NUDT19: variants seen among roughly 807,000 people sequenced by gnomAD.
NUDT19 encodes nudix hydrolase 19, also known as acyl-coenzyme A diphosphatase NUDT19.
In NUDT19, 31 loss-of-function variants were observed where a neutral mutation model predicts 22.2. The observed-to-expected ratio is 1.40, with a 90% CI of 1.05 to 1.89. The LOEUF (loss-of-function observed/expected upper bound fraction) is 1.89, where lower values mean the gene tolerates loss of function less well. NUDT19 is among the 40% of genes most tolerant of loss of function. The pLI, the probability that NUDT19 is intolerant of heterozygous loss-of-function variation, is 0.00. For missense variants in NUDT19, 752 were observed against 514.2 expected, an observed-to-expected ratio of 1.46 and a Z score of -4.47; for synonymous variants, 325 against 230.8, an observed-to-expected ratio of 1.41 and a Z score of -3.70.
intron 1 of NUDT19, among the ~76,000 whole-genome samples, chr19:32,693,594 G>A (rs1025495633): frequency 6.6e-6 from 1 of 152,182 alleles, no homozygotes; most frequent in East Asian, 1.9e-4. Context: ...CTGCTGATTG[G>A]TCCATTTTGC....
intron 1 of NUDT19, among the ~76,000 whole-genome samples, chr19:32,698,142 T>A (rs1968287340): frequency 6.6e-6 from 1 of 152,186 alleles, no homozygotes; most frequent in Non-Finnish European, 1.5e-5. Context: ...TCTCCTTCAA[T>A]GAAAAGAAAA....
At chr19:32,706,254 C>T (rs1968385807) in intron 1 of NUDT19, among the ~76,000 whole-genome samples, 1 of 152,122 alleles carries the variant, frequency 6.6e-6, no homozygotes, top group East Asian at 1.9e-4. Flanking sequence ...CAGCTTTATC[C>T]CTGGTTTCTC....
chr19:32,695,103 A>T (rs2145356183), intron 1 of NUDT19, among the ~76,000 whole-genome samples: 1 of 152,304 alleles, frequency 6.6e-6, no homozygotes, highest in Non-Finnish European at 1.5e-5. Context: ...GCCCTTGTTT[A>T]CACTGACAAC....
intron 1 of NUDT19, among the ~76,000 whole-genome samples, chr19:32,703,921 C>A (rs1373922792): frequency 6.6e-6 from 1 of 152,020 alleles, no homozygotes; most frequent in African/African-American, 2.4e-5. Context: ...GCTGGGCCTC[C>A]CAAAGTGCTG....
intron 1 of NUDT19, among the ~76,000 whole-genome samples, chr19:32,703,426 A>G (rs982820392): frequency 6.6e-6 from 1 of 150,460 alleles, no homozygotes; most frequent in African/African-American, 2.4e-5. Flanking sequence ...TCAGCTCACC[A>G]CAGCCTCTGC....
Position 32,692,357 on chromosome 19 carries a change from T to C in NUDT19, c.397T>C (p.Phe133Leu), listed in dbSNP as rs546154641. 6 of 1,590,284 alleles carry C rather than the reference T, an allele frequency of 3.8e-6. No homozygotes were observed. Among genetic ancestry groups the C allele is most frequent in the African/African-American group, 2.7e-5 (2 of 73,428 alleles). The part of the protein sequence containing the change: ...AFRICAVREA[F>L]EEAGVLLLRP... The stretch of plus-strand genomic sequence containing the variant: ...CCGCATCTGCGCCGTGCGGGAGGCC[T>C]TTGAGGAGGCGGGCGTGCTGCTGCT... The change falls in exon 1 of 3, where the codon TTT (phenylalanine) becomes CTT (leucine). Residue 133 changes from phenylalanine to leucine, a missense_variant. Coordinates refer to ENST00000397061, the MANE Select transcript of NUDT19 (RefSeq NM_001105570.2).
At chr19:32,706,640 G>T (rs1044210196) in intron 1 of NUDT19, among the ~76,000 whole-genome samples, 1 of 152,106 alleles carries the variant, frequency 6.6e-6, no homozygotes, top group Admixed American at 6.5e-5. Context: ...CAGAGATCAC[G>T]CCATTGCACT....
chr19:32,700,541 C>G (rs146322577), intron 1 of NUDT19, among the ~76,000 whole-genome samples: 1 of 152,170 alleles, frequency 6.6e-6, no homozygotes, highest in African/African-American at 2.4e-5. Context: ...AAGTGATTCT[C>G]GTCTCAGCTT....
rs1318567902 is a variant in NUDT19 at position 32,691,997 on chromosome 19, C to T, written c.37C>T (p.Arg13Trp). 2 of 1,235,836 alleles carry T rather than the reference C, an allele frequency of 1.6e-6. No homozygotes were observed. The highest frequency in any genetic ancestry group is 1.0e-6 in the Non-Finnish European group (1 of 992,098). The allele number at this position is 1,235,836 out of a possible 1,614,324, so 76.6% of individuals were successfully genotyped here. ...SSLRPGPSRW[R>W]RAASIVLAAG... ...CCTGCGGCCGGGCCCCAGCCGCTGGCGGCGGGCGGCCAGCATCGTCCTGGC... is the reference window on the plus strand; with the variant it reads ...CCTGCGGCCGGGCCCCAGCCGCTGGTGGCGGGCGGCCAGCATCGTCCTGGC... The change falls in exon 1 of 3, where the codon CGG becomes TGG. Residue 13 changes from arginine (R) to tryptophan (W), a missense_variant. Physicochemically the swap from Arg to Trp is moderately radical, Grantham distance 101. Transcript: ENST00000397061.
chr19:32,692,163 A>G lies in NUDT19; in HGVS notation c.203A>G (p.Asp68Gly). The G allele has an allele frequency of 1.3e-6, 2 of 1,527,354 alleles. No homozygotes were observed. The highest frequency in any genetic ancestry group is 1.7e-6 in the Non-Finnish European group (2 of 1,146,902). 94.6% of individuals were successfully genotyped at this position (1,527,354 alleles called of 1,614,324 possible). A position where few individuals can be genotyped will look rare whatever the true frequency, so the allele number is the denominator to read the frequency against. Reference protein sequence around the residue: ...GAHVFSGGVLDAADRSADWLG... With the variant: ...GAHVFSGGVLGAADRSADWLG... ...CACGTCTTCTCCGGCGGAGTGCTGG[A>G]TGCGGCCGACCGCTCGGCGGACTGG... The change falls in exon 1 of 3, where the codon GAT becomes GGT. Residue 68 changes from aspartate to glycine, a missense_variant. Physicochemically the swap from Asp to Gly is moderately conservative, Grantham distance 94. Transcript: ENST00000397061.
chr19:32,707,652 G>A (rs1968400322), intron 1 of NUDT19, among the ~76,000 whole-genome samples: 1 of 152,072 alleles, frequency 6.6e-6, no homozygotes, highest in Non-Finnish European at 1.5e-5. Flanking sequence ...AGACCAGCCT[G>A]GCCAAGATGG....
intron 1 of NUDT19, among the ~76,000 whole-genome samples, chr19:32,700,388 C>G (rs1001733207): frequency 6.6e-6 from 1 of 152,084 alleles, no homozygotes; most frequent in Non-Finnish European, 1.5e-5. Context: ...GTTTACAAAC[C>G]TTGAGCTAGA....
Position 32,695,106 on chromosome 19 carries a change from C to T in NUDT19, c.714+2432C>T, listed in dbSNP as rs566894387. On this transcript the variant is annotated intron_variant, in intron 1 of 2. Transcript: ENST00000397061. The stretch of plus-strand genomic sequence containing the variant: ...CTTTTGGGCTATGCCCTTGTTTACA[C>T]TGACAACAAGGTGGTATTGGAGTGT... Among the ~76,000 whole-genome samples the T allele has an allele frequency of 9.2e-5, 14 of 152,354 alleles. No homozygotes were observed. In the South Asian group the frequency reaches 2.9e-3, roughly 32 times the overall value.
At chr19:32,707,706 C>T (rs747958452) in intron 1 of NUDT19, among the ~76,000 whole-genome samples, 14 of 151,954 alleles carry the variant, frequency 9.2e-5, no homozygotes, top group Admixed American at 2.0e-4. Flanking sequence ...AGGCCGGGCG[C>T]GGTGGCTCAC....
At chr19:32,703,648 C>CT (rs60766132) in intron 1 of NUDT19, among the ~76,000 whole-genome samples, 1,533 of 68,360 alleles carry the variant, frequency 0.022, 197 homozygotes, top group Non-Finnish European at 0.031. Flanking sequence ...TGTGCCCAGC[C>CT]TTTTTTTTTT....
chr19:32,695,252 T>C (rs997023702), intron 1 of NUDT19, among the ~76,000 whole-genome samples: 4 of 152,188 alleles, frequency 2.6e-5, no homozygotes, highest in Non-Finnish European at 5.9e-5. Context: ...TGATCTAGGC[T>C]CACCGCAACC....
At chr19:32,694,168 C>T (rs1347708924) in intron 1 of NUDT19, among the ~76,000 whole-genome samples, 1 of 152,202 alleles carries the variant, frequency 6.6e-6, no homozygotes, top group Non-Finnish European at 1.5e-5. Context: ...ACGGCTGTCA[C>T]AGGATGTAGA....
intron 1 of NUDT19, among the ~76,000 whole-genome samples, chr19:32,706,725 G>A (rs1377146734): frequency 1.3e-5 from 2 of 152,162 alleles, no homozygotes; most frequent in Non-Finnish European, 2.9e-5. Context: ...ATCTTACTGG[G>A]CCTAATTCAT....
At position 32,704,136 on chromosome 19, in the gene NUDT19, G is replaced by T. The variant is rs530038450; in HGVS notation, c.715-5049G>T. Among the ~76,000 whole-genome samples the T allele has an allele frequency of 3.2e-4, 48 of 152,240 alleles. 1 individual carries two copies. Among genetic ancestry groups the T allele is most frequent in the Middle Eastern group, 6.8e-3 (2 of 294 alleles). ...AACTATTTTGCCTTTGTTTTTGAAAGATACTTTGGCTAGGTATAAAATTCT... is the reference window on the plus strand; with the variant it reads ...AACTATTTTGCCTTTGTTTTTGAAATATACTTTGGCTAGGTATAAAATTCT... On this transcript the variant is annotated intron_variant, in intron 1 of 2. Coordinates refer to ENST00000397061, the MANE Select transcript of NUDT19 (RefSeq NM_001105570.2).
Sources: gnomAD v4.1 joint callset for allele counts (sites outside exome capture counted in the v4.1 genomes callset) on GRCh38, gnomAD v4.1.1 for gene constraint, MANE v1.5 for transcripts, NCBI Gene and HGNC (gene_info 2026-07-23, HGNC 2026-07-21) for gene names.